Variants in ZNF385B observed in about 807,000 individuals in gnomAD.
ZNF385B encodes zinc finger protein 385B, also known as zinc finger protein 533.
A neutral mutation model predicts 39.2 loss-of-function variants in ZNF385B; 23 were observed. That is an observed-to-expected ratio of 0.59 (90% CI 0.42 to 0.83). The LOEUF (loss-of-function observed/expected upper bound fraction) is 0.83, where lower values mean the gene tolerates loss of function less well. ZNF385B is among the 40% of genes least tolerant of loss of function. The probability of loss-of-function intolerance (pLI) is 0.00; values close to 1 mark genes in which losing one functional copy is unlikely to be tolerated. For synonymous variants in ZNF385B, 205 were observed against 222.6 expected (o/e 0.92, Z 0.70); for missense variants, 552 against 598.9 (o/e 0.92, Z 0.82).
At chr2:179,444,606 CCTTTA>C (rs1252907868) in intron 9 of ZNF385B, among the ~76,000 whole-genome samples, 1 of 152,140 alleles carries the variant, frequency 6.6e-6, no homozygotes, top group Admixed American at 6.6e-5. Flanking sequence ...TGTTCTTGAG[CCTTTA>C]CTTTATATGC....
At chr2:179,730,095 A>G (rs1307900746) in intron 3 of ZNF385B, among the ~76,000 whole-genome samples, 1 of 152,200 alleles carries the variant, frequency 6.6e-6, no homozygotes, top group Non-Finnish European at 1.5e-5. Context: ...AAATCTAAAT[A>G]TATCTGGACA....
chr2:179,829,298 T>C (rs891241351), intron 1 of ZNF385B, among the ~76,000 whole-genome samples: 1 of 152,150 alleles, frequency 6.6e-6, no homozygotes, highest in African/African-American at 2.4e-5. Flanking sequence ...CCTATAAATA[T>C]ATCCAAGAAT....
intron 6 of ZNF385B, among the ~76,000 whole-genome samples, chr2:179,466,105 G>A (rs1025154777): frequency 7.2e-5 from 11 of 152,194 alleles, no homozygotes; most frequent in African/African-American, 1.9e-4. Flanking sequence ...TGTAAATTAC[G>A]CATATCATTG....
intron 6 of ZNF385B, among the ~76,000 whole-genome samples, chr2:179,464,034 A>T (rs1250738600): frequency 1.3e-5 from 2 of 152,064 alleles, no homozygotes; most frequent in Non-Finnish European, 2.9e-5. Flanking sequence ...CTTTTTAATG[A>T]TTGCCATTCT....
intron 4 of ZNF385B, chr2:179,522,877 C>A: frequency 2.2e-6 from 1 of 449,872 alleles, no homozygotes; most frequent in Non-Finnish European, 4.6e-6. Flanking sequence ...ACCAATATTC[C>A]TTACCTGGCA....
At position 179,446,508 on chromosome 2, in the gene ZNF385B, A is replaced by G. The variant is rs766869417; in HGVS notation, c.961+17T>C. The G allele has an allele frequency of 6.3e-7, 1 of 1,599,634 alleles. No homozygotes were observed. ...TTTGTTATAAACATTATTTAAATGC[A>G]AAAGATAGCTGCTAACCTGTGTTGT... On this transcript the variant is annotated intron_variant, in intron 7 of 9. Coordinates refer to ENST00000410066, the MANE Select transcript of ZNF385B (RefSeq NM_152520.6).
intron 3 of ZNF385B, among the ~76,000 whole-genome samples, chr2:179,758,158 G>T (rs191172642): frequency 2.0e-5 from 3 of 152,250 alleles, no homozygotes; most frequent in East Asian, 3.9e-4. Flanking sequence ...ACAAGGCAGG[G>T]TCTATTTTTC....
chr2:179,576,380 GAT>G (rs1251957231), intron 3 of ZNF385B: 1 of 162,532 alleles, frequency 6.2e-6, no homozygotes, highest in East Asian at 1.9e-4. Context: ...ATCTATGCGT[GAT>G]GTTGGGAATG....
At chr2:179,624,259 T>G (rs1575014517) in intron 3 of ZNF385B, among the ~76,000 whole-genome samples, 1 of 152,300 alleles carries the variant, frequency 6.6e-6, no homozygotes, top group African/African-American at 2.4e-5. Flanking sequence ...AATCCCTGGC[T>G]TCTTACAGTG....
chr2:179,689,136 G>T (rs1490560483), intron 3 of ZNF385B, among the ~76,000 whole-genome samples: 4 of 152,206 alleles, frequency 2.6e-5, no homozygotes, highest in Admixed American at 2.0e-4. Context: ...AATCAGGACT[G>T]CCATGGAGAC....
chr2:179,483,210 G>A lies in ZNF385B; in HGVS notation c.715+62C>T, dbSNP rs534085561. 3.3e-5 allele frequency: 52 copies of A among 1,581,824 alleles called. No homozygotes were observed. The African/African-American group carries it at 4.2e-4, about 13-fold the overall frequency. On this transcript the variant is annotated intron_variant, in intron 6 of 9. Transcript: ENST00000410066. ...ATGCAACAACTGAGGGCAGGAAAAC[G>A]GGGTCAGGGCAGGGGAACAGGAGAA...
chr2:179,671,403 C>A (rs548083854), intron 3 of ZNF385B, among the ~76,000 whole-genome samples: 16 of 152,104 alleles, frequency 1.1e-4, no homozygotes, highest in Non-Finnish European at 1.8e-4. Context: ...AAAAGGGAAG[C>A]AGAACTTAAA....
intron 3 of ZNF385B, among the ~76,000 whole-genome samples, chr2:179,557,937 T>C (rs1200050971): frequency 1.3e-5 from 2 of 152,028 alleles, no homozygotes; most frequent in African/African-American, 2.4e-5. Flanking sequence ...ATATTCCCTA[T>C]GGGGAAAAAA....
chr2:179,757,238 T>C (rs997249636), intron 3 of ZNF385B, among the ~76,000 whole-genome samples: 1 of 152,228 alleles, frequency 6.6e-6, no homozygotes, highest in Non-Finnish European at 1.5e-5. Context: ...CTCCAGACCC[T>C]GTTTGCCTGG....
At chr2:179,841,510 G>A (rs1708533993) in intron 1 of ZNF385B, among the ~76,000 whole-genome samples, 1 of 152,240 alleles carries the variant, frequency 6.6e-6, no homozygotes, top group Non-Finnish European at 1.5e-5. Flanking sequence ...AATGTAATTT[G>A]TGTCTGTATT....
chr2:179,606,379 A>C (rs556645019), intron 3 of ZNF385B, among the ~76,000 whole-genome samples: 2 of 152,312 alleles, frequency 1.3e-5, no homozygotes, highest in Non-Finnish European at 2.9e-5. Context: ...TCACAAGTAC[A>C]AGGAAGTTAC....
chr2:179,615,463 C>T (rs936686480), intron 3 of ZNF385B, among the ~76,000 whole-genome samples: 1 of 152,156 alleles, frequency 6.6e-6, no homozygotes, highest in Non-Finnish European at 1.5e-5. Context: ...TTTAACAAGT[C>T]CTCTAAGTAA....
chr2:179,518,868 C>A (rs1349673979), intron 4 of ZNF385B, among the ~76,000 whole-genome samples: 2 of 152,034 alleles, frequency 1.3e-5, no homozygotes, highest in South Asian at 2.1e-4. Flanking sequence ...TCAGAAAAAA[C>A]CACGAGAGAA....
intron 1 of ZNF385B, among the ~76,000 whole-genome samples, chr2:179,772,481 A>G (rs1461632875): frequency 6.6e-6 from 1 of 152,190 alleles, no homozygotes; most frequent in East Asian, 1.9e-4. Flanking sequence ...GGGGAAAAAT[A>G]AGATCAGCTT....
Sources: allele counts gnomAD v4.1 joint callset (sites outside exome capture counted in the v4.1 genomes callset), GRCh38; gene constraint gnomAD v4.1.1; transcripts MANE v1.5; gene names NCBI Gene and HGNC (gene_info 2026-07-23, HGNC 2026-07-21).